CAPRIN2: variants seen among roughly 807,000 people sequenced by gnomAD.
The protein encoded by CAPRIN2 is caprin family member 2.
In CAPRIN2, 66 loss-of-function variants were observed where a neutral mutation model predicts 130.4. The observed-to-expected ratio is 0.51, with a 90% CI of 0.42 to 0.62. The LOEUF is 0.62. Ranked by LOEUF, CAPRIN2 falls within the 20% of genes least tolerant of loss-of-function variation. CAPRIN2 has a pLI of 0.00. For synonymous variants in CAPRIN2, 471 were observed against 444.1 expected (o/e 1.06, Z -0.76); for missense variants, 1,185 against 1,246.6 (o/e 0.95, Z 0.74).
rs1423803205 is a variant in CAPRIN2 at position 30,730,225 on chromosome 12, T to C, written c.1104+14A>G. On this transcript the variant is annotated intron_variant, in intron 7 of 16. Coordinates refer to ENST00000298892, the Ensembl canonical transcript of CAPRIN2. ...GAAAAATCAACATCAGCAAATTGTC[T>C]TTCAGTATCTTACCTCTTGTGGTTG... The C allele has an allele frequency of 1.9e-5, 31 of 1,604,592 alleles. No homozygotes were observed. The highest frequency in any genetic ancestry group is 2.6e-5 in the Non-Finnish European group (31 of 1,171,534).
exon 8 of CAPRIN2, chr12:30,729,132 G>C: frequency 6.2e-7 from 1 of 1,614,028 alleles, no homozygotes; most frequent in Non-Finnish European, 8.5e-7. Flanking sequence ...TGCAGGCTTG[G>C]ATACCTCCTG....
At chr12:30,732,325 CAGG>C (rs2063003599) in intron 5 of CAPRIN2, among the ~76,000 whole-genome samples, 1 of 151,904 alleles carries the variant, frequency 6.6e-6, no homozygotes, top group South Asian at 2.1e-4. Context: ...ATTCCTTTCA[CAGG>C]AGTACTATGA....
chr12:30,739,039 A>T (rs1158843789), intron 3 of CAPRIN2, among the ~76,000 whole-genome samples: 2 of 152,226 alleles, frequency 1.3e-5, no homozygotes, highest in Non-Finnish European at 2.9e-5. Context: ...TTGACCCAAC[A>T]ATCCCATCAC....
At chr12:30,746,928 C>T (rs1224133613) in intron 2 of CAPRIN2, among the ~76,000 whole-genome samples, 1 of 152,206 alleles carries the variant, frequency 6.6e-6, no homozygotes, top group Non-Finnish European at 1.5e-5. Context: ...ATGCAAGAGT[C>T]TCCTATTGGA....
intron 1 of CAPRIN2, among the ~76,000 whole-genome samples, chr12:30,752,572 TAAA>T (rs201247925): frequency 1.6e-4 from 21 of 129,288 alleles, no homozygotes; most frequent in Non-Finnish European, 2.9e-4. Flanking sequence ...TTTCTTAGGT[TAAA>T]AAAAAAAAAA....
intron 2 of CAPRIN2, among the ~76,000 whole-genome samples, chr12:30,741,992 A>G (rs749341112): frequency 6.6e-6 from 1 of 152,168 alleles, no homozygotes; most frequent in Non-Finnish European, 1.5e-5. Flanking sequence ...GATACATGCT[A>G]TAACATGGAT....
exon 1 of CAPRIN2, chr12:30,753,345 T>A: frequency 6.2e-7 from 1 of 1,601,884 alleles, no homozygotes; most frequent in Non-Finnish European, 8.5e-7. Flanking sequence ...AAAAGTTACC[T>A]TCTTTTTCTC....
chr12:30,737,598 C>CTTTTTT (rs11304850), intron 3 of CAPRIN2, among the ~76,000 whole-genome samples: 5 of 131,244 alleles, frequency 3.8e-5, no homozygotes, highest in Non-Finnish European at 8.0e-5. Flanking sequence ...AACTGGTTTT[C>CTTTTTT]TTTTTTTTTT....
chr12:30,715,113 T>C (rs1183256925), exon 14 of CAPRIN2: 4 of 1,613,968 alleles, frequency 2.5e-6, no homozygotes, highest in Non-Finnish European at 3.4e-6. Flanking sequence ...CATTGCTTAC[T>C]TGAATAGTTC....
chr12:30,735,086 G>C lies in CAPRIN2; in HGVS notation c.691C>G (p.His231Asp), dbSNP rs1180850584. 12 of 1,613,880 alleles carry C rather than the reference G, an allele frequency of 7.4e-6. No individual in the cohort carries two copies. In the South Asian group the frequency reaches 1.3e-4, roughly 18 times the overall value. ...CCCCCTTTGAAGTCTTTTTGTACGT[G>C]CTCCTGTGTCAAGTTCTGCAATACA... Residue 231 changes from histidine to aspartate, a missense_variant, in exon 4 of 17, where the codon CAC (histidine) becomes GAC (aspartate). Around this residue, in one of 2 missense-constraint regions of CAPRIN2, gnomAD observed 1,104 missense variants for 1,104.3 expected, o/e 1.00. Transcript: ENST00000298892.
At position 30,753,574 on chromosome 12, in the gene CAPRIN2, G is replaced by A. The variant is rs2074995439; in HGVS notation, c.190C>T (p.Pro64Ser). 2 of 1,614,002 alleles carry A rather than the reference G, an allele frequency of 1.2e-6. No individual in the cohort carries two copies. Among genetic ancestry groups the A allele is most frequent in the Admixed American group, 1.7e-5 (1 of 60,000 alleles). The stretch of plus-strand genomic sequence containing the variant: ...CCTGAAGGTGACTGGTAACCAAAAG[G>A]GGATGAAAAGAGTTGCACCATTGAA... The change falls in exon 1 of 17, where the codon CCT becomes TCT. Residue 64 changes from proline (P) to serine (S), a missense_variant. By Grantham distance (74) the Pro-to-Ser change is moderately conservative. This residue lies in a region of CAPRIN2 where 1,104 missense variants were observed against 1,104.3 expected (regional missense o/e 1.00). Coordinates refer to ENST00000298892, the Ensembl canonical transcript of CAPRIN2.
chr12:30,711,520 A>G (rs1009907744), intron 16 of CAPRIN2, 46 bp downstream of exon 18: 7 of 1,415,970 alleles, frequency 4.9e-6, no homozygotes, highest in African/African-American at 4.2e-5. Context: ...AGAAAGAACT[A>G]GAGACATGTG....
chr12:30,734,313 C>A (rs2063718970), intron 4 of CAPRIN2, among the ~76,000 whole-genome samples: 1 of 152,056 alleles, frequency 6.6e-6, no homozygotes, highest in Non-Finnish European at 1.5e-5. Context: ...TTTAGTAGGG[C>A]TAACAAATAC....
intron 1 of CAPRIN2, among the ~76,000 whole-genome samples, chr12:30,752,359 G>A (rs1565726447): frequency 6.6e-6 from 1 of 152,158 alleles, no homozygotes. Flanking sequence ...AGGTAAGCTA[G>A]AGAGCATAAG....
exon 4 of CAPRIN2, chr12:30,735,040 A>C (rs763152977): frequency 3.1e-6 from 5 of 1,614,156 alleles, no homozygotes; most frequent in Non-Finnish European, 4.2e-6. Flanking sequence ...TTTTGAAGGC[A>C]AATACACTGC....
exon 13 of CAPRIN2, chr12:30,716,547 A>C: frequency 2.5e-6 from 4 of 1,613,930 alleles, no homozygotes; most frequent in Non-Finnish European, 3.4e-6. Flanking sequence ...ACATGTATAG[A>C]TGGCAGTTGG....
chr12:30,710,136 G>A lies in CAPRIN2; in HGVS notation c.3000C>T (p.His1000=), dbSNP rs2053806744. 1 of 1,614,152 alleles carries A rather than the reference G, an allele frequency of 6.2e-7. No homozygotes were observed. The highest frequency in any genetic ancestry group is 1.3e-5 in the African/African-American group (1 of 75,036). ...GCACATTCACTGCCAGCTTTAGCAT[G>A]TGAAAAATGAAAACGTAAGTGCCAT... is the stretch of plus-strand genomic sequence containing the variant. The change falls in exon 17 of 17, where the codon CAC becomes CAT. Residue 1000 remains histidine, a synonymous_variant. Coordinates refer to ENST00000298892, the Ensembl canonical transcript of CAPRIN2. The surrounding 1 kb of genome is among the most constrained non-coding windows in gnomAD (Gnocchi z 4.8).
In CAPRIN2 at chr12:30,725,881, A is replaced by T. The variant is rs879028291; in HGVS notation, c.1905+85T>A. 11 of 1,211,854 alleles carry T rather than the reference A, an allele frequency of 9.1e-6. 1 individual carries two copies. The South Asian group carries it at 2.6e-4, about 28-fold the overall frequency. The allele number at this position is 1,211,854 out of a possible 1,614,324, so 75.1% of individuals were successfully genotyped here. A position where few individuals can be genotyped will look rare whatever the true frequency, so the allele number is the denominator to read the frequency against. ...CAGCAGAGCCAGGACTTGACAGAATAATCTATGCTCTTAATAATTTCACTG... is the reference window on the plus strand; with the variant it reads ...CAGCAGAGCCAGGACTTGACAGAATTATCTATGCTCTTAATAATTTCACTG... On this transcript the variant is annotated intron_variant, in intron 9 of 16. Transcript: ENST00000298892.
At chr12:30,741,274 C>T (rs2067315129) in intron 2 of CAPRIN2, among the ~76,000 whole-genome samples, 168 bp from the exon 4 acceptor site, 1 of 151,922 alleles carries the variant, frequency 6.6e-6, no homozygotes, top group Admixed American at 6.5e-5. Flanking sequence ...GTATTAATAC[C>T]AGTTTTATTA....
Sources: allele counts gnomAD v4.1 joint callset (sites outside exome capture counted in the v4.1 genomes callset), GRCh38; gene constraint gnomAD v4.1.1; regional missense constraint gnomAD v4.1.1; non-coding constraint Gnocchi (gnomAD v3.1); transcripts MANE v1.5; gene names NCBI Gene and HGNC (gene_info 2026-07-23, HGNC 2026-07-21).